Variants in RAB3IL1 observed in about 807,000 individuals in gnomAD.
RAB3IL1 encodes the protein RAB3A interacting protein like 1.
Under a neutral mutation model 49.2 loss-of-function variants are expected in RAB3IL1, and 37 were observed. The ratio of observed to expected loss-of-function variants is 0.75; its 90% CI spans 0.58 to 0.99. The LOEUF is 0.99. RAB3IL1 is among the 50% of genes least tolerant of loss of function. The pLI is 0.00. For synonymous variants in RAB3IL1, 193 were observed against 213.9 expected (o/e 0.90, Z 0.85); for missense variants, 484 against 513.0 (o/e 0.94, Z 0.55).
At chr11:61,919,937 T>A, upstream of RAB3IL1, 1 of 752,470 alleles carries the variant, frequency 1.3e-6, no homozygotes, top group Non-Finnish European at 1.8e-6. Context: ...GACAAGACAA[T>A]CAGAGCCATT....
the RAB3IL1 span, among the ~76,000 whole-genome samples, chr11:61,946,033 A>G: frequency 2.0e-5 from 3 of 152,066 alleles, no homozygotes; most frequent in Admixed American, 1.3e-4. Flanking sequence ...GGGCTGCCTG[A>G]GCTCAGGGTG....
At position 61,906,610 on chromosome 11, in the gene RAB3IL1, G is replaced by A. The variant is rs61746012; in HGVS notation, c.513C>T (p.Arg171=). ...VITSTPASPN[R]ELHPQLLSPT... is the part of the protein sequence containing the mutation. The stretch of plus-strand genomic sequence containing the variant: ...GGCTCAGCAGCTGGGGGTGAAGCTC[G>A]CGGTTGGGAGAGGCTGGTGTGGACG... The change falls in exon 5 of 10, where the codon CGC becomes CGT. Residue 171 remains arginine (R), a synonymous_variant. Transcript: ENST00000394836. This position sits in a 1 kb window ranked among gnomAD's most constrained non-coding sequence, Gnocchi z 4.6. 8,481 of 1,611,762 alleles carry A rather than the reference G, an allele frequency of 5.3e-3. 302 individuals carry two copies. The African/African-American group carries it at 0.087, about 16-fold the overall frequency.
chr11:61,933,974 G>A, the RAB3IL1 span, among the ~76,000 whole-genome samples: 1 of 151,808 alleles, frequency 6.6e-6, no homozygotes, highest in Non-Finnish European at 1.5e-5. Context: ...AAAGAAAGAT[G>A]GCTATTAAGG....
chr11:61,909,747 G>A (rs1939375849), intron 1 of RAB3IL1, among the ~76,000 whole-genome samples: 1 of 152,214 alleles, frequency 6.6e-6, no homozygotes, highest in Admixed American at 6.5e-5. Flanking sequence ...GCTGGGGTCT[G>A]TGCCCTGGGG....
In RAB3IL1 at chr11:61,898,073, G is replaced by C. The variant is rs558774514; in HGVS notation, c.*205C>G. On this transcript the variant is annotated 3_prime_UTR_variant, in exon 10 of 10. Transcript: ENST00000394836. The surrounding 1 kb of genome is among the most constrained non-coding windows in gnomAD (Gnocchi z 5.1). ...GTGGCAGAACCCAGTGGGGAAGAGA[G>C]GGGGGTCTTGCCGTGAAGTCCAGGC... The C allele has an allele frequency of 1.2e-4, 66 of 565,752 alleles. 1 individual carries two copies. The Admixed American group carries it at 2.0e-3, about 17-fold the overall frequency. 35.0% of individuals were successfully genotyped at this position (565,752 alleles called of 1,614,324 possible).
chr11:61,898,437 G>A lies in RAB3IL1; in HGVS notation c.1067-77C>T, dbSNP rs1264100060. ...GGCAGATGGCCAGGTCCCCTCCTGTGGCTTTGGACAGAGCAGCTGGCACAG... is the reference window on the plus strand; with the variant it reads ...GGCAGATGGCCAGGTCCCCTCCTGTAGCTTTGGACAGAGCAGCTGGCACAG... On this transcript the variant is annotated intron_variant, in intron 9 of 9. Transcript: ENST00000394836. This position sits in a 1 kb window ranked among gnomAD's most constrained non-coding sequence, Gnocchi z 5.1. 3 of 1,291,364 alleles carry A rather than the reference G, an allele frequency of 2.3e-6. No individual in the cohort carries two copies. The highest frequency in any genetic ancestry group is 2.3e-5 in the East Asian group (1 of 43,334). 80.0% of individuals were successfully genotyped at this position (1,291,364 alleles called of 1,614,324 possible).
At chr11:61,900,442 C>T (rs1451958657) in intron 8 of RAB3IL1, among the ~76,000 whole-genome samples, 2 of 152,052 alleles carry the variant, frequency 1.3e-5, no homozygotes, top group Non-Finnish European at 2.9e-5. Flanking sequence ...CGGGGAGGGG[C>T]GGGACGGTGG....
At chr11:61,900,352 G>A (rs1256912107) in intron 8 of RAB3IL1, among the ~76,000 whole-genome samples, 1 of 152,250 alleles carries the variant, frequency 6.6e-6, no homozygotes, top group Non-Finnish European at 1.5e-5. Context: ...GCCCGCAACA[G>A]CCCCTACTGA....
chr11:61,944,584 T>C, the RAB3IL1 span, among the ~76,000 whole-genome samples: 1 of 152,114 alleles, frequency 6.6e-6, no homozygotes, highest in Non-Finnish European at 1.5e-5. Flanking sequence ...AAAAGGACGA[T>C]GCTCCCGGGC....
At position 61,906,682 on chromosome 11, in the gene RAB3IL1, G is replaced by A. The variant is rs141827610; in HGVS notation, c.441C>T (p.Ile147=). 6 of 1,605,476 alleles carry A rather than the reference G, an allele frequency of 3.7e-6. No homozygotes were observed. The highest frequency in any genetic ancestry group is 4.5e-5 in the East Asian group (2 of 44,650). ...EKQLKEARGK[I]DMLQAEVTAL... is the part of the protein sequence containing the mutation. ...CTGTCACCTCTGCCTGCAGCATGTC[G>A]ATCTGCATGGGATGGGATGGCTGTC... Residue 147 remains isoleucine, a splice_region_variant and synonymous_variant, in exon 5 of 10, where the codon ATC becomes ATT. Transcript: ENST00000394836. This position sits in a 1 kb window ranked among gnomAD's most constrained non-coding sequence, Gnocchi z 4.6.
upstream of RAB3IL1, among the ~76,000 whole-genome samples, chr11:61,920,855 G>A (rs1415637775): frequency 9.9e-5 from 15 of 152,138 alleles, no homozygotes; most frequent in South Asian, 4.1e-4. Flanking sequence ...CCCGGGAGGC[G>A]GAGGTTGCGG....
chr11:61,908,153 T>G lies in RAB3IL1; in HGVS notation c.165A>C (p.Ala55=). Residue 55 remains alanine (A), a synonymous_variant, in exon 2 of 10, where the codon GCA becomes GCC. Coordinates refer to ENST00000394836, the MANE Select transcript of RAB3IL1 (RefSeq NM_013401.4). ...GEEAQGQEGP[A]AAQLDVLRLR... ...GGCGCAACACGTCCAGCTGGGCGGC[T>G]GCGGGGCCCTCCTGGCCTTGGGCCT... The G allele has an allele frequency of 1.3e-6, 2 of 1,571,152 alleles. No individual in the cohort carries two copies. Among genetic ancestry groups the G allele is most frequent in the African/African-American group, 1.4e-5 (1 of 73,834 alleles).
chr11:61,906,805 G>A lies in RAB3IL1; in HGVS notation c.439-121C>T, dbSNP rs75909829. On this transcript the variant is annotated intron_variant, in intron 4 of 9. Transcript: ENST00000394836. The surrounding 1 kb of genome is among the most constrained non-coding windows in gnomAD (Gnocchi z 4.6). The stretch of plus-strand genomic sequence containing the variant: ...CAGTGACAGGCACTTAGTCCCACCC[G>A]ACGCCCTCAGAACAGCCTTCGAGGC... 7.5e-3 allele frequency: 6,916 copies of A among 922,360 alleles called. 256 individuals carry two copies. In the African/African-American group the frequency reaches 0.09, roughly 12 times the overall value. 57.1% of individuals were successfully genotyped at this position (922,360 alleles called of 1,614,324 possible). A position where few individuals can be genotyped will look rare whatever the true frequency, so the allele number is the denominator to read the frequency against.
At chr11:61,904,995 C>G in intron 5 of RAB3IL1, 113 bp from the exon 6 acceptor site, 3 of 787,164 alleles carry the variant, frequency 3.8e-6, no homozygotes, top group Non-Finnish European at 4.1e-6. Context: ...CCCAGCAAGC[C>G]AGCAGGTCGA....
At chr11:61,920,088 G>C, upstream of RAB3IL1, 1 of 1,325,588 alleles carries the variant, frequency 7.5e-7, no homozygotes. Context: ...CAAGTACAGG[G>C]CACAGGCCTG....
intron 1 of RAB3IL1, among the ~76,000 whole-genome samples, chr11:61,914,254 G>A (rs1005526868): frequency 6.6e-5 from 10 of 152,160 alleles, no homozygotes; most frequent in African/African-American, 4.8e-5. Flanking sequence ...CCTGCCTGCC[G>A]CAAAAACATG....
chr11:61,942,771 T>C, the RAB3IL1 span, among the ~76,000 whole-genome samples: 1 of 152,232 alleles, frequency 6.6e-6, no homozygotes, highest in Non-Finnish European at 1.5e-5. Context: ...ACTTTATTCT[T>C]ATTAAAAAGA....
intron 1 of RAB3IL1, among the ~76,000 whole-genome samples, chr11:61,915,559 G>A (rs1479442203): frequency 3.3e-5 from 5 of 152,086 alleles, no homozygotes; most frequent in Admixed American, 1.3e-4. Flanking sequence ...CCACCCAGCC[G>A]GCACAAGACA....
At chr11:61,923,000 G>T (rs1939939437), upstream of RAB3IL1, among the ~76,000 whole-genome samples, 1 of 152,226 alleles carries the variant, frequency 6.6e-6, no homozygotes, top group African/African-American at 2.4e-5. Flanking sequence ...GAGGGGAAAG[G>T]GCTTGGCCTG....
Sources: allele counts gnomAD v4.1 joint callset (sites outside exome capture counted in the v4.1 genomes callset), GRCh38; gene constraint gnomAD v4.1.1; non-coding constraint Gnocchi (gnomAD v3.1); transcripts MANE v1.5; gene names NCBI Gene and HGNC (gene_info 2026-07-23, HGNC 2026-07-21).